Variants in XRN1 observed in about 807,000 individuals in gnomAD.
The protein encoded by XRN1 is 5'-3' exoribonuclease 1.
In XRN1, 67 loss-of-function variants were observed where a neutral mutation model predicts 222.3. The ratio of observed to expected loss-of-function variants is 0.30; its 90% CI spans 0.25 to 0.37. XRN1 has a LOEUF of 0.37. XRN1 is among the 10% of genes least tolerant of loss of function. XRN1 has a pLI of 1.00. For synonymous variants in XRN1, 643 were observed against 652.4 expected (o/e 0.99, Z 0.22); for missense variants, 1,707 against 2,000.2 (o/e 0.85, Z 2.80).
intron 20 of XRN1, among the ~76,000 whole-genome samples, chr3:142,389,757 T>A (rs947835245): frequency 1.3e-5 from 2 of 152,206 alleles, no homozygotes; most frequent in Non-Finnish European, 2.9e-5. Context: ...TGACCCCAGG[T>A]GATCCACCCA....
At chr3:142,360,712 AT>A (rs1418132033) in intron 29 of XRN1, among the ~76,000 whole-genome samples, 1 of 148,574 alleles carries the variant, frequency 6.7e-6, no homozygotes, top group Non-Finnish European at 1.5e-5. Flanking sequence ...AAAATAAAAA[AT>A]AAAAAAAAAA....
Position 142,311,654 on chromosome 3 carries a change from C to T in XRN1, c.4942G>A (p.Ala1648Thr). Residue 1648 changes from alanine to threonine, a missense_variant, in exon 41 of 41, where the codon GCT (alanine) becomes ACT (threonine). By Grantham distance (58) the Ala-to-Thr change is moderately conservative. Coordinates refer to ENST00000392981, the MANE Select transcript of XRN1 (RefSeq NM_001282857.2). ...SSASLKSSPI[A>T]QPASSFQVET... Reference sequence around the variant, plus strand: ...ACTTGAAAAGAAGATGCAGGTTGAGCAATCGGAGAGGACTTCAAAGAAGCT... The same window carrying T: ...ACTTGAAAAGAAGATGCAGGTTGAGTAATCGGAGAGGACTTCAAAGAAGCT... 6.2e-7 allele frequency: 1 copy of T among 1,614,114 alleles called. No individual in the cohort carries two copies. Among genetic ancestry groups the T allele is most frequent in the Non-Finnish European group, 8.5e-7 (1 of 1,180,008 alleles).
At chr3:142,374,160 G>A (rs1280795525) in intron 25 of XRN1, among the ~76,000 whole-genome samples, 1 of 152,122 alleles carries the variant, frequency 6.6e-6, no homozygotes, top group African/African-American at 2.4e-5. Flanking sequence ...ATATAAATCA[G>A]AAAGAGTGAG....
intron 23 of XRN1, among the ~76,000 whole-genome samples, chr3:142,377,492 A>C (rs1237975241): frequency 6.6e-6 from 1 of 152,200 alleles, no homozygotes; most frequent in Non-Finnish European, 1.5e-5. Context: ...AGGCACATTT[A>C]ATTACAATAA....
intron 27 of XRN1, among the ~76,000 whole-genome samples, chr3:142,369,314 C>T (rs1435319933): frequency 6.6e-6 from 1 of 152,038 alleles, no homozygotes; most frequent in Non-Finnish European, 1.5e-5. Context: ...TGAGGGAGTT[C>T]AAAAATTTTT....
In XRN1 at chr3:142,419,544, T is replaced by C. The variant is rs182449953; in HGVS notation, c.1174-663A>G. 3.5e-4 allele frequency among the ~76,000 whole-genome samples: 53 copies of C among 152,270 alleles called. 1 individual carries two copies. Among genetic ancestry groups the C allele is most frequent in the African/African-American group, 1.2e-3 (48 of 41,546 alleles). ...CAGAATCTTGGCCGGGCACGGTGGC[T>C]CACGCCTGTAATCCCAGGACTTAAG... On this transcript the variant is annotated intron_variant, in intron 10 of 40. Coordinates refer to ENST00000392981, the MANE Select transcript of XRN1 (RefSeq NM_001282857.2).
intron 15 of XRN1, among the ~76,000 whole-genome samples, chr3:142,407,888 T>C (rs1470541155): frequency 6.6e-6 from 1 of 152,282 alleles, no homozygotes; most frequent in East Asian, 1.9e-4. Flanking sequence ...ATGGCATGTA[T>C]TCACAGCAAT....
chr3:142,398,162 T>C (rs2067997284), intron 19 of XRN1, among the ~76,000 whole-genome samples: 1 of 152,076 alleles, frequency 6.6e-6, no homozygotes, highest in South Asian at 2.1e-4. Flanking sequence ...GGAGGATCAC[T>C]TGAGCCCAGG....
chr3:142,409,714 G>T (rs2068489700), intron 15 of XRN1, among the ~76,000 whole-genome samples: 1 of 151,938 alleles, frequency 6.6e-6, no homozygotes, highest in South Asian at 2.1e-4. Flanking sequence ...ATTTTCACTG[G>T]GATTGAATTT....
At chr3:142,368,770 A>G (rs2066895567) in intron 27 of XRN1, among the ~76,000 whole-genome samples, 1 of 152,236 alleles carries the variant, frequency 6.6e-6, no homozygotes, top group African/African-American at 2.4e-5. Flanking sequence ...TTTCCTAAAG[A>G]GAAAAAGAGT....
chr3:142,382,776 T>C (rs966176690), intron 22 of XRN1, among the ~76,000 whole-genome samples: 16 of 152,164 alleles, frequency 1.1e-4, no homozygotes, highest in African/African-American at 3.9e-4. Context: ...TACGTGTATA[T>C]ATATATACAC....
At chr3:142,399,790 T>C (rs566810433) in intron 19 of XRN1, among the ~76,000 whole-genome samples, 4 of 141,788 alleles carry the variant, frequency 2.8e-5, no homozygotes, top group South Asian at 2.1e-4. Flanking sequence ...TCTAAACCTA[T>C]GTGTAAATTT....
At chr3:142,423,755 C>T (rs2069134389) in intron 5 of XRN1, 113 bp from the exon 6 acceptor site, 3 of 717,946 alleles carry the variant, frequency 4.2e-6, no homozygotes, top group South Asian at 4.9e-5. Context: ...ACAATTAGCA[C>T]ATTAAATATA....
At chr3:142,441,468 C>A (rs998440299) in intron 1 of XRN1, among the ~76,000 whole-genome samples, 3 of 152,182 alleles carry the variant, frequency 2.0e-5, no homozygotes, top group African/African-American at 7.2e-5. Context: ...TCTAGGAGTC[C>A]TTACACAGGT....
At chr3:142,361,942 T>C (rs550819871) in intron 29 of XRN1, among the ~76,000 whole-genome samples, 3 of 150,054 alleles carry the variant, frequency 2.0e-5, no homozygotes, top group Non-Finnish European at 4.4e-5. Flanking sequence ...AATTTTCTCT[T>C]TGTTTCTTTT....
intron 25 of XRN1, among the ~76,000 whole-genome samples, chr3:142,373,160 T>C (rs1436517788): frequency 6.6e-6 from 1 of 152,008 alleles, no homozygotes; most frequent in Non-Finnish European, 1.5e-5. Context: ...GAGAAATAAA[T>C]GAAGATATTC....
rs765555671 is a variant in XRN1, at chr3:142,397,399, A to G, written c.2269T>C (p.Ser757Pro). 6.8e-6 allele frequency: 11 copies of G among 1,609,894 alleles called. No homozygotes were observed. Among genetic ancestry groups the G allele is most frequent in the Non-Finnish European group, 8.5e-6 (10 of 1,177,654 alleles). The change falls in exon 20 of 41, where the codon TCT (serine) becomes CCT (proline). Residue 757 changes from serine (S) to proline (P), a missense_variant. By Grantham distance (74) the Ser-to-Pro change is moderately conservative. Around this residue, in one of 2 missense-constraint regions of XRN1, gnomAD observed 1,234 missense variants for 1,518.2 expected, o/e 0.81. Coordinates refer to ENST00000392981, the MANE Select transcript of XRN1 (RefSeq NM_001282857.2). ...KLYSGRTAPP[S>P]KVVHLGDKEQ... ...TTATCTCCAAGATGAACCACTTTAG[A>G]TGGTGGGGCAGTTCTTCCTGAATAA...
rs749347791 is a variant in XRN1, at chr3:142,370,469, T to C, written c.3204+16A>G. The C allele has an allele frequency of 8.2e-6, 13 of 1,586,752 alleles. No individual in the cohort carries two copies. Among genetic ancestry groups the C allele is most frequent in the Non-Finnish European group, 4.3e-6 (5 of 1,172,210 alleles). On this transcript the variant is annotated intron_variant, in intron 27 of 40. Coordinates refer to ENST00000392981, the MANE Select transcript of XRN1 (RefSeq NM_001282857.2). ...TCCAAATCTCATCAATAATCTTGGT[T>C]ACTGAAAGTTAGTACCTTGCACTTT...
At chr3:142,368,092 G>A (rs1359495675) in intron 27 of XRN1, among the ~76,000 whole-genome samples, 2 of 150,080 alleles carry the variant, frequency 1.3e-5, no homozygotes, top group African/African-American at 2.4e-5. Context: ...TATATTACAT[G>A]TTTATATATA....
Sources: allele counts gnomAD v4.1 joint callset (sites outside exome capture counted in the v4.1 genomes callset), GRCh38; gene constraint gnomAD v4.1.1; regional missense constraint gnomAD v4.1.1; transcripts MANE v1.5; gene names NCBI Gene and HGNC (gene_info 2026-07-23, HGNC 2026-07-21).